Variants in CCDC178 observed in about 807,000 individuals in gnomAD.
CCDC178 encodes the protein coiled-coil domain-containing protein 178.
In CCDC178, 126 loss-of-function variants were observed where a neutral mutation model predicts 117.4. The ratio of observed to expected loss-of-function variants is 1.07; its 90% CI spans 0.93 to 1.24. The LOEUF (loss-of-function observed/expected upper bound fraction) is 1.24. Among genes scored for constraint, CCDC178 ranks in the 50% most tolerant of loss-of-function variants. CCDC178 has a pLI of 0.00. For synonymous variants in CCDC178, 283 were observed against 313.4 expected, an observed-to-expected ratio of 0.90 and a Z score of 1.02; for missense variants, 1,030 against 986.9, an observed-to-expected ratio of 1.04 and a Z score of -0.59.
In CCDC178 at chr18:33,076,547, C is replaced by T. The variant is rs368382559; in HGVS notation, c.2388+16214G>A. Among the ~76,000 whole-genome samples, 4 of 152,132 alleles carry T rather than the reference C, an allele frequency of 2.6e-5. No homozygotes were observed. In the South Asian group the frequency reaches 8.3e-4, roughly 32 times the overall value. ...TTTTTCCAAATGTGTTGCCTTTCTC[C>T]TCTTTGTGTGATATATTTGTCAGCA... On this transcript the variant is annotated intron_variant, in intron 21 of 22. Transcript: ENST00000383096.
At chr18:33,021,009 T>A (rs1397140039) in intron 21 of CCDC178, among the ~76,000 whole-genome samples, 2 of 152,214 alleles carry the variant, frequency 1.3e-5, no homozygotes, top group Non-Finnish European at 2.9e-5. Context: ...ATTTCATATT[T>A]CTCACGTAGG....
rs561289971 is a variant in CCDC178, at chr18:33,122,086, T to C, written c.2239-29176A>G. Among the ~76,000 whole-genome samples the C allele has an allele frequency of 2.6e-5, 4 of 152,280 alleles. No individual in the cohort carries two copies. The South Asian group carries it at 8.3e-4, about 32-fold the overall frequency. On this transcript the variant is annotated intron_variant, in intron 20 of 22. Transcript: ENST00000383096. ...TTGACACAATGAACAAATCGCCTAA[T>C]GAAAGATTTCTGAGAAGGAATCCCT... is the stretch of plus-strand genomic sequence containing the variant.
chr18:33,270,060 ATT>A (rs938635859), intron 12 of CCDC178, among the ~76,000 whole-genome samples: 1 of 151,764 alleles, frequency 6.6e-6, no homozygotes, highest in African/African-American at 2.4e-5. Flanking sequence ...TCAAATATAA[ATT>A]TGACAGTTGA....
chr18:33,215,837 A>G, intron 18 of CCDC178, 142 bp from the exon 19 acceptor site: 1 of 576,406 alleles, frequency 1.7e-6, no homozygotes, highest in South Asian at 3.3e-5. Context: ...CTGTAATCCC[A>G]GCACTTTGGG....
chr18:32,974,620 A>C lies in CCDC178; in HGVS notation c.2450T>G (p.Leu817Arg). 6.2e-7 allele frequency: 1 copy of C among 1,613,590 alleles called. No individual in the cohort carries two copies. The highest frequency in any genetic ancestry group is 8.5e-7 in the Non-Finnish European group (1 of 1,179,752). The stretch of plus-strand genomic sequence containing the variant: ...GTTGGCCAGCCTCATCTGGCTGAAG[A>C]GGACCACCAGTTTGAAGTGCTCCTG... ...LWQEHFKLVV[L>R]FSQMRLANFQ... is the part of the protein sequence containing the mutation. Residue 817 changes from leucine (L) to arginine (R), a missense_variant, in exon 22 of 23, where the codon CTC becomes CGC. By Grantham distance (102) the Leu-to-Arg change is moderately radical. Coordinates refer to ENST00000383096, the MANE Select transcript of CCDC178 (RefSeq NM_001105528.4).
intron 21 of CCDC178, among the ~76,000 whole-genome samples, chr18:33,003,080 C>T (rs557833523): frequency 1.3e-5 from 2 of 152,214 alleles, no homozygotes; most frequent in East Asian, 3.9e-4. Context: ...GGCACCACTG[C>T]TGAATTTTAC....
chr18:33,396,718 T>C (rs1249000654), intron 4 of CCDC178, among the ~76,000 whole-genome samples: 4 of 151,922 alleles, frequency 2.6e-5, no homozygotes, highest in African/African-American at 9.7e-5. Context: ...AACACTACAG[T>C]TAAAATTAAA....
intron 11 of CCDC178, among the ~76,000 whole-genome samples, chr18:33,301,423 C>T (rs1424100759): frequency 6.6e-6 from 1 of 152,228 alleles, no homozygotes; most frequent in Non-Finnish European, 1.5e-5. Context: ...CACTGGGGCA[C>T]AGTCCAGTGG....
intron 14 of CCDC178, among the ~76,000 whole-genome samples, chr18:33,258,117 C>T (rs2059701346): frequency 6.6e-6 from 1 of 151,982 alleles, no homozygotes; most frequent in Non-Finnish European, 1.5e-5. Flanking sequence ...AAAAGCCTTC[C>T]ATCTTAAATG....
In CCDC178 at chr18:33,064,827, C is replaced by T. The variant is rs563663069; in HGVS notation, c.2388+27934G>A. 8.6e-5 allele frequency among the ~76,000 whole-genome samples: 13 copies of T among 151,454 alleles called. No homozygotes were observed. In the South Asian group the frequency reaches 1.9e-3, roughly 22 times the overall value. ...TGGAGTTATCTCAAGTGTCCAACAA[C>T]GAACAATAAAAGAAAAAAAGTGTCA... On this transcript the variant is annotated intron_variant, in intron 21 of 22. Coordinates refer to ENST00000383096, the MANE Select transcript of CCDC178 (RefSeq NM_001105528.4).
intron 2 of CCDC178, among the ~76,000 whole-genome samples, chr18:33,429,886 T>A (rs2064183642): frequency 6.6e-6 from 1 of 152,176 alleles, no homozygotes. Flanking sequence ...GTAGATGATA[T>A]ATGCTATTTC....
chr18:33,258,465 A>G (rs539619765), intron 14 of CCDC178, among the ~76,000 whole-genome samples: 5 of 152,168 alleles, frequency 3.3e-5, no homozygotes, highest in Non-Finnish European at 7.3e-5. Context: ...GACACCGAAT[A>G]TTCTTGCTAA....
intron 3 of CCDC178, among the ~76,000 whole-genome samples, chr18:33,409,530 A>G (rs946789464): frequency 1.3e-5 from 2 of 152,252 alleles, no homozygotes; most frequent in African/African-American, 2.4e-5. Flanking sequence ...GTTAGTAAAT[A>G]TGACCTCCCA....
intron 19 of CCDC178, among the ~76,000 whole-genome samples, chr18:33,213,478 G>A (rs1256332687): frequency 6.6e-6 from 1 of 151,858 alleles, no homozygotes; most frequent in Non-Finnish European, 1.5e-5. Context: ...GGAGCAGAGA[G>A]AACCAATGAA....
intron 6 of CCDC178, among the ~76,000 whole-genome samples, chr18:33,359,414 T>A (rs1468627325): frequency 6.6e-6 from 1 of 151,656 alleles, no homozygotes; most frequent in African/African-American, 2.4e-5. Flanking sequence ...TTTGATCTGA[T>A]GTGTGGAGGC....
chr18:33,091,324 C>CTTTTTTTT (rs746505005), intron 21 of CCDC178, among the ~76,000 whole-genome samples: 4,167 of 43,692 alleles, frequency 0.095, 1,694 homozygotes, highest in Middle Eastern at 0.25. Flanking sequence ...TTATTTCATT[C>CTTTTTTTT]TTTTTTTTTT....
intron 20 of CCDC178, among the ~76,000 whole-genome samples, chr18:33,149,334 C>A (rs2058313192): frequency 6.6e-6 from 1 of 152,196 alleles, no homozygotes; most frequent in Admixed American, 6.5e-5. Context: ...AGAAGAGAGT[C>A]AATTTGTACC....
chr18:33,069,560 C>T (rs566719334), intron 21 of CCDC178, among the ~76,000 whole-genome samples: 44 of 152,148 alleles, frequency 2.9e-4, no homozygotes, highest in Non-Finnish European at 5.4e-4. Context: ...ATACCTAATC[C>T]TATAAAACTG....
chr18:32,953,360 A>G (rs376854032), intron 22 of CCDC178, among the ~76,000 whole-genome samples: 3 of 152,250 alleles, frequency 2.0e-5, no homozygotes, highest in East Asian at 1.9e-4. Flanking sequence ...GGAATTTCCA[A>G]TCTTTCCCAT....
Sources: allele counts gnomAD v4.1 joint callset (sites outside exome capture counted in the v4.1 genomes callset), GRCh38; gene constraint gnomAD v4.1.1; transcripts MANE v1.5; gene names NCBI Gene and HGNC (gene_info 2026-07-23, HGNC 2026-07-21).